HPSE2: variants seen among roughly 807,000 people sequenced by gnomAD.
The protein encoded by HPSE2 is heparanase 2 (inactive).
A neutral mutation model predicts 60.5 loss-of-function variants in HPSE2; 38 were observed. That is an observed-to-expected ratio of 0.63 (90% CI 0.48 to 0.82). The LOEUF (loss-of-function observed/expected upper bound fraction) is 0.82, where lower values mean the gene tolerates loss of function less well. Among genes scored for constraint, HPSE2 ranks in the 40% least tolerant of loss-of-function variants. HPSE2 has a pLI of 0.00. For synonymous variants in HPSE2, 295 were observed against 293.2 expected, an observed-to-expected ratio of 1.01 and a Z score of -0.06; for missense variants, 713 against 740.4, an observed-to-expected ratio of 0.96 and a Z score of 0.43.
At chr10:98,486,322 G>T (rs2133663301) in intron 10 of HPSE2, among the ~76,000 whole-genome samples, 1 of 152,304 alleles carries the variant, frequency 6.6e-6, no homozygotes, top group East Asian at 1.9e-4. Context: ...GCATTTGCTG[G>T]CCCTCTGAGG....
intron 3 of HPSE2, among the ~76,000 whole-genome samples, chr10:99,129,163 G>A (rs1564830052): frequency 6.6e-6 from 1 of 152,018 alleles, no homozygotes; most frequent in African/African-American, 2.4e-5. Flanking sequence ...AATGAAATGA[G>A]ATACACAGCA....
intron 9 of HPSE2, among the ~76,000 whole-genome samples, chr10:98,584,682 C>T (rs10883141): frequency 0.62 from 93,998 of 152,046 alleles, 29,373 homozygotes; most frequent in Middle Eastern, 0.7. Context: ...TTCAAAACTC[C>T]CATAAATATT....
chr10:98,866,492 C>G (rs1334579441), intron 3 of HPSE2, among the ~76,000 whole-genome samples: 1 of 151,894 alleles, frequency 6.6e-6, no homozygotes, highest in African/African-American at 2.4e-5. Context: ...TCATGAAAAC[C>G]ATAAAACACA....
intron 3 of HPSE2, among the ~76,000 whole-genome samples, chr10:98,939,122 T>A (rs1954906248): frequency 7.0e-6 from 1 of 143,746 alleles, no homozygotes; most frequent in Non-Finnish European, 1.5e-5. Context: ...TTCCAGCCAC[T>A]GCAAAATCAT....
chr10:98,541,160 C>T (rs138248662), intron 9 of HPSE2, among the ~76,000 whole-genome samples: 113 of 152,246 alleles, frequency 7.4e-4, no homozygotes, highest in African/African-American at 2.5e-3. Flanking sequence ...AGGCTTTAAC[C>T]TTATGCTATC....
At position 98,482,707 on chromosome 10, in the gene HPSE2, A is replaced by G; in HGVS notation, c.1542T>C (p.Ala514=). The G allele has an allele frequency of 1.2e-6, 2 of 1,614,234 alleles. No homozygotes were observed. The highest frequency in any genetic ancestry group is 1.7e-6 in the Non-Finnish European group (2 of 1,180,036). The part of the protein sequence containing the change: ...LHRSRKKIKL[A]GTLRDKLVHQ... ...GAACCAGCTTGTCTCTGAGAGTCCC[A>G]GCCAGCTTGATTTTCTTTCTTGATC... Residue 514 remains alanine, a synonymous_variant, in exon 11 of 12, where the codon GCT becomes GCC. Coordinates refer to ENST00000370552, the MANE Select transcript of HPSE2 (RefSeq NM_021828.5).
At chr10:98,953,246 T>C (rs1474307420) in intron 3 of HPSE2, among the ~76,000 whole-genome samples, 2 of 152,164 alleles carry the variant, frequency 1.3e-5, no homozygotes, top group African/African-American at 4.8e-5. Context: ...GAGCTGTAAG[T>C]CATTTGGTGT....
At chr10:98,829,098 T>C (rs1374494650) in intron 3 of HPSE2, among the ~76,000 whole-genome samples, 1 of 152,156 alleles carries the variant, frequency 6.6e-6, no homozygotes, top group Non-Finnish European at 1.5e-5. Context: ...AAAGGGCAAA[T>C]ACTGATGATT....
chr10:98,461,322 C>T (rs952984611), intron 11 of HPSE2, among the ~76,000 whole-genome samples: 1 of 152,228 alleles, frequency 6.6e-6, no homozygotes, highest in Non-Finnish European at 1.5e-5. Context: ...AGGCCCCCTC[C>T]CTTTGCTAGA....
chr10:98,944,421 C>CTAG (rs1272133986), intron 3 of HPSE2, among the ~76,000 whole-genome samples: 2 of 152,070 alleles, frequency 1.3e-5, no homozygotes, highest in African/African-American at 4.8e-5. Flanking sequence ...ATAAATTCTA[C>CTAG]CATTAGAATA....
At position 98,930,444 on chromosome 10, in the gene HPSE2, A is replaced by G. The variant is rs1344365089; in HGVS notation, c.611-186388T>C. On this transcript the variant is annotated intron_variant, in intron 3 of 11. Coordinates refer to ENST00000370552, the MANE Select transcript of HPSE2 (RefSeq NM_021828.5). Reference sequence around the variant, plus strand: ...TATTGTGAATAGTGCTGCAATGAACATAAGTGTGCATGTATCTTTATAAAA... The same window carrying G: ...TATTGTGAATAGTGCTGCAATGAACGTAAGTGTGCATGTATCTTTATAAAA... Among the ~76,000 whole-genome samples the G allele has an allele frequency of 1.4e-5, 2 of 144,700 alleles. 1 individual carries two copies. The highest frequency in any genetic ancestry group is 5.6e-5 in the African/African-American group (2 of 35,808). The allele number at this position is 144,700 out of a possible 152,430, so 94.9% of individuals were successfully genotyped here.
chr10:99,132,222 AG>A (rs1564833150), intron 3 of HPSE2, among the ~76,000 whole-genome samples: 24 of 41,416 alleles, frequency 5.8e-4, no homozygotes, highest in Middle Eastern at 0.014. Flanking sequence ...AGAGAGAGAG[AG>A]AGAGAGAGAG....
chr10:98,710,134 C>A lies in HPSE2; in HGVS notation c.956+11523G>T, dbSNP rs1948640753. Among the ~76,000 whole-genome samples, 5 of 152,140 alleles carry A rather than the reference C, an allele frequency of 3.3e-5. No individual in the cohort carries two copies. The South Asian group carries it at 1.0e-3, about 32-fold the overall frequency. ...ACTCTAGATAAACAACATTTTGGGG[C>A]ATCTTTCATTTGGTCCAAAGCCACT... On this transcript the variant is annotated intron_variant, in intron 5 of 11. Transcript: ENST00000370552.
intron 6 of HPSE2, among the ~76,000 whole-genome samples, chr10:98,676,822 G>C (rs961724247): frequency 2.0e-5 from 3 of 152,054 alleles, no homozygotes; most frequent in Non-Finnish European, 2.9e-5. Context: ...ATTTTATTGT[G>C]CGTGCATAGT....
At chr10:99,260,933 G>A in the HPSE2 span, among the ~76,000 whole-genome samples, 103 of 152,160 alleles carry the variant, frequency 6.8e-4, 1 homozygote, top group Middle Eastern at 0.02. Flanking sequence ...AAACTGAAAC[G>A]TCTTATTTTC....
intron 3 of HPSE2, among the ~76,000 whole-genome samples, chr10:98,754,316 G>T (rs749671781): frequency 2.6e-5 from 4 of 152,002 alleles, no homozygotes; most frequent in South Asian, 2.1e-4. Flanking sequence ...AGGGAAAAAA[G>T]AATACAATGT....
intron 9 of HPSE2, among the ~76,000 whole-genome samples, chr10:98,564,436 T>TTTCTTTATGTAGTATTCTATGTTC (rs943275264): frequency 2.6e-5 from 4 of 152,226 alleles, no homozygotes; most frequent in Admixed American, 2.0e-4. Flanking sequence ...ATTGTTGCAA[T>TTTCTTTATGTAGTATTCTATGTTC]TTCTTTATGT....
At chr10:99,211,732 T>G (rs778685479) in intron 2 of HPSE2, among the ~76,000 whole-genome samples, 1 of 152,194 alleles carries the variant, frequency 6.6e-6, no homozygotes, top group African/African-American at 2.4e-5. Context: ...AAGGGTTAAA[T>G]TTAAGACCTG....
chr10:98,533,281 G>A (rs765315642), intron 9 of HPSE2, among the ~76,000 whole-genome samples: 10 of 152,186 alleles, frequency 6.6e-5, no homozygotes, highest in South Asian at 2.1e-4. Context: ...CTCAAACAGC[G>A]TAAAGTAGAA....
Sources: gnomAD v4.1 joint callset for allele counts (sites outside exome capture counted in the v4.1 genomes callset) on GRCh38, gnomAD v4.1.1 for gene constraint, MANE v1.5 for transcripts, NCBI Gene and HGNC (gene_info 2026-07-23, HGNC 2026-07-21) for gene names.